ANKMY1: variants seen among roughly 807,000 people sequenced by gnomAD.
ANKMY1 encodes the protein ankyrin repeat and MYND domain-containing protein 1.
Under a neutral mutation model 102.0 loss-of-function variants are expected in ANKMY1, and 98 were observed. That is an observed-to-expected ratio of 0.96 (90% CI 0.82 to 1.14). The LOEUF is 1.14. Ranked by LOEUF, ANKMY1 falls within the 50% of genes most tolerant of loss-of-function variation. The pLI is 0.00. For missense variants in ANKMY1, 1,330 were observed against 1,347.6 expected (o/e 0.99, Z 0.20); for synonymous variants, 582 against 559.9 (o/e 1.04, Z -0.56).
At chr2:240,471,592 A>G in the ANKMY1 span, among the ~76,000 whole-genome samples, 2 of 152,186 alleles carry the variant, frequency 1.3e-5, no homozygotes, top group African/African-American at 4.8e-5. Context: ...AAGAAAAAAC[A>G]AGGAGATTGG....
chr2:240,555,116 C>T (rs1010116245), intron 2 of ANKMY1, 61 bp from the exon 3 acceptor site: 2 of 1,554,090 alleles, frequency 1.3e-6, no homozygotes, highest in Non-Finnish European at 1.8e-6. Context: ...TCAGTGACTG[C>T]TGAGCACAAC....
At chr2:240,526,148 G>T in intron 6 of ANKMY1, 81 bp downstream of exon 6, 2 of 1,520,612 alleles carry the variant, frequency 1.3e-6, no homozygotes, top group South Asian at 2.3e-5. Context: ...TCCTGCAGAG[G>T]GGGCCACAGA....
upstream of ANKMY1, among the ~76,000 whole-genome samples, chr2:240,558,985 T>C (rs1159737261): frequency 6.6e-6 from 1 of 152,218 alleles, no homozygotes; most frequent in Non-Finnish European, 1.5e-5. Context: ...ACCCACAGAA[T>C]TGATTTCACA....
upstream of ANKMY1, chr2:240,560,510 G>C (rs1323570829): frequency 9.7e-7 from 1 of 1,026,646 alleles, no homozygotes; most frequent in Non-Finnish European, 1.3e-6. Flanking sequence ...CAAGCCCCCT[G>C]TCCCGGCCCA....
chr2:240,560,756 CT>C (rs1416174240), upstream of ANKMY1: 37 of 1,491,158 alleles, frequency 2.5e-5, no homozygotes, highest in East Asian at 1.1e-3. Context: ...GCGTCGCGCC[CT>C]CACTCTTCCT....
chr2:240,545,201 T>C (rs1436497784), intron 4 of ANKMY1, among the ~76,000 whole-genome samples: 10 of 152,196 alleles, frequency 6.6e-5, no homozygotes, highest in Non-Finnish European at 1.3e-4. Flanking sequence ...GTCCCTGACC[T>C]CTGACCCCCC....
chr2:240,468,706 C>T, the ANKMY1 span, among the ~76,000 whole-genome samples: 6 of 152,288 alleles, frequency 3.9e-5, no homozygotes, highest in South Asian at 8.3e-4. Flanking sequence ...TTTAACATTG[C>T]GTTTCCATCA....
intron 15 of ANKMY1, among the ~76,000 whole-genome samples, chr2:240,497,884 A>G (rs2077472750): frequency 6.6e-6 from 1 of 152,072 alleles, no homozygotes; most frequent in African/African-American, 2.4e-5. Context: ...CCGTTTTAGG[A>G]CCTAATCTCT....
chr2:240,557,894 A>C lies in ANKMY1; in HGVS notation c.-31T>G. On this transcript the variant is annotated 5_prime_UTR_variant, in exon 1 of 18. Transcript: ENST00000401804. Reference sequence around the variant, plus strand: ...GCGAGACCGCACCAAGCAAGACTCGAAGAGCTCGCGCCGGACAGCAGGGAG... The same window carrying C: ...GCGAGACCGCACCAAGCAAGACTCGCAGAGCTCGCGCCGGACAGCAGGGAG... 1 of 985,510 alleles carries C rather than the reference A, an allele frequency of 1.0e-6. No homozygotes were observed. The highest frequency in any genetic ancestry group is 1.2e-6 in the Non-Finnish European group (1 of 830,010). The allele number at this position is 985,510 out of a possible 1,614,324, so 61.0% of individuals were successfully genotyped here.
chr2:240,542,846 A>T (rs1206784160), intron 4 of ANKMY1, among the ~76,000 whole-genome samples: 1 of 150,368 alleles, frequency 6.7e-6, no homozygotes, highest in Non-Finnish European at 1.5e-5. Flanking sequence ...CTCATAAATT[A>T]AGGTAAATTT....
At position 240,493,009 on chromosome 2, in the gene ANKMY1, C is replaced by G. The variant is rs902711628; in HGVS notation, c.2806+6949G>C. The stretch of plus-strand genomic sequence containing the variant: ...GGCCTAAAAATCAGTATTTCAAATT[C>G]TTTATCTGAGATCTCAAAAGTTTCT... On this transcript the variant is annotated intron_variant, in intron 15 of 17. Coordinates refer to ENST00000401804, the MANE Select transcript of ANKMY1 (RefSeq NM_001282771.3). Among the ~76,000 whole-genome samples the G allele has an allele frequency of 2.0e-5, 3 of 150,926 alleles. No individual in the cohort carries two copies. The East Asian group carries it at 6.1e-4, about 31-fold the overall frequency.
At position 240,499,982 on chromosome 2, in the gene ANKMY1, T is replaced by A. The variant is rs754841493; in HGVS notation, c.2782A>T (p.Thr928Ser). ...CCTCTCTTGCACAGGTACAGCCACG[T>A]GGGGTCCCACTGGCTCTCCTTGGCA... The part of the protein sequence containing the change: ...VFAKESQWDP[T>S]WLYLCKRAEL... The change falls in exon 15 of 18, where the codon ACG becomes TCG. Residue 928 changes from threonine to serine, a missense_variant. By Grantham distance (58) the Thr-to-Ser change is moderately conservative. Coordinates refer to ENST00000401804, the MANE Select transcript of ANKMY1 (RefSeq NM_001282771.3). The surrounding 1 kb of genome is among the most constrained non-coding windows in gnomAD (Gnocchi z 4.2). The A allele has an allele frequency of 6.2e-7, 1 of 1,612,890 alleles. No homozygotes were observed.
upstream of ANKMY1, chr2:240,558,355 C>T (rs887659075): frequency 2.6e-5 from 4 of 152,274 alleles, no homozygotes; most frequent in Non-Finnish European, 5.9e-5. Context: ...CCAGCCCCGG[C>T]CTTTGTTCAT....
rs1382598738 is a variant in ANKMY1, at chr2:240,506,407, C to A, written c.2526+1153G>T. Among the ~76,000 whole-genome samples, 2 of 152,200 alleles carry A rather than the reference C, an allele frequency of 1.3e-5. No individual in the cohort carries two copies. The highest frequency in any genetic ancestry group is 6.5e-5 in the Admixed American group (1 of 15,282). On this transcript the variant is annotated intron_variant, in intron 13 of 17. Transcript: ENST00000401804. The surrounding 1 kb of genome is among the most constrained non-coding windows in gnomAD (Gnocchi z 4.9). ...ACCCACACACACTGTTTCATTCCAT[C>A]CTCTGCCGCCTATGGAAAACTGACT...
chr2:240,555,972 G>A (rs375933077), intron 2 of ANKMY1, among the ~76,000 whole-genome samples: 19 of 152,214 alleles, frequency 1.2e-4, no homozygotes, highest in Admixed American at 1.0e-3. Flanking sequence ...TGTGCAGGGC[G>A]GCCGTCCCTG....
At chr2:240,540,882 T>C (rs1031667446) in intron 4 of ANKMY1, among the ~76,000 whole-genome samples, 8 of 152,190 alleles carry the variant, frequency 5.3e-5, no homozygotes, top group African/African-American at 1.7e-4. Context: ...CAGCCCAATT[T>C]TGGCTGGAGG....
chr2:240,501,978 T>C (rs954382278), intron 13 of ANKMY1, among the ~76,000 whole-genome samples: 1 of 152,212 alleles, frequency 6.6e-6, no homozygotes, highest in Non-Finnish European at 1.5e-5. Flanking sequence ...AAAAGTCCCA[T>C]GAGTCGGTTC....
intron 14 of ANKMY1, 88 bp from the exon 15 acceptor site, chr2:240,500,211 C>T: frequency 6.9e-7 from 1 of 1,440,062 alleles, no homozygotes; most frequent in Non-Finnish European, 9.2e-7. Context: ...CTCCTGTCAG[C>T]TCTTGTGATA....
the ANKMY1 span, among the ~76,000 whole-genome samples, chr2:240,469,890 GCA>G: frequency 5.3e-5 from 8 of 152,130 alleles, no homozygotes; most frequent in Non-Finnish European, 8.8e-5. Context: ...CCATACACGT[GCA>G]CACACATCCT....
Sources: gnomAD v4.1 joint callset for allele counts (sites outside exome capture counted in the v4.1 genomes callset) on GRCh38, gnomAD v4.1.1 for gene constraint, Gnocchi (gnomAD v3.1) non-coding constraint, MANE v1.5 for transcripts, NCBI Gene and HGNC (gene_info 2026-07-23, HGNC 2026-07-21) for gene names.